The following SCLT1 variants were observed in gnomAD, a reference collection of about 807,000 sequenced individuals.
SCLT1 encodes sodium channel-associated protein 1.
SCLT1 carries 78 observed loss-of-function variants against 112.8 expected under a neutral mutation model. That is an observed-to-expected ratio of 0.69 (90% CI 0.58 to 0.83). SCLT1 has a LOEUF of 0.83. Among genes scored for constraint, SCLT1 ranks in the 40% least tolerant of loss-of-function variants. The pLI is 0.00. For synonymous variants in SCLT1, 257 were observed against 254.7 expected (o/e 1.01, Z -0.09); for missense variants, 747 against 770.4 (o/e 0.97, Z 0.36).
intron 9 of SCLT1, among the ~76,000 whole-genome samples, chr4:128,989,525 A>C (rs1201942216): frequency 6.6e-6 from 1 of 151,954 alleles, no homozygotes; most frequent in African/African-American, 2.4e-5. Context: ...AAAAAGTAGA[A>C]AAACTTCAAA....
chr4:128,982,140 G>A (rs1741711492), intron 9 of SCLT1, among the ~76,000 whole-genome samples: 2 of 152,146 alleles, frequency 1.3e-5, no homozygotes, highest in African/African-American at 4.8e-5. Context: ...CAAATATGGA[G>A]AAAAGATCTG....
At chr4:129,060,285 C>T (rs751688655) in intron 2 of SCLT1, among the ~76,000 whole-genome samples, 1 of 152,100 alleles carries the variant, frequency 6.6e-6, no homozygotes, top group Non-Finnish European at 1.5e-5. Context: ...CATTGGGTTA[C>T]CTTAGTATCA....
intron 18 of SCLT1, among the ~76,000 whole-genome samples, chr4:128,920,403 T>C (rs1222995411): frequency 6.6e-6 from 1 of 152,202 alleles, no homozygotes; most frequent in African/African-American, 2.4e-5. Context: ...ATGATTCTCA[T>C]ACATCAGCCT....
chr4:129,054,000 C>T (rs1430276948), intron 2 of SCLT1, among the ~76,000 whole-genome samples: 1 of 152,030 alleles, frequency 6.6e-6, no homozygotes, highest in Non-Finnish European at 1.5e-5. Flanking sequence ...TTTTATTTCT[C>T]CTTCGCTTAT....
chr4:129,014,365 T>C (rs964230001), intron 5 of SCLT1, among the ~76,000 whole-genome samples: 1 of 152,150 alleles, frequency 6.6e-6, no homozygotes, highest in African/African-American at 2.4e-5. Flanking sequence ...ATGGGGTAGA[T>C]TAGAGGAAAA....
intron 5 of SCLT1, among the ~76,000 whole-genome samples, chr4:129,027,231 A>T (rs374651695): frequency 6.6e-5 from 10 of 152,234 alleles, no homozygotes; most frequent in South Asian, 4.2e-4. Flanking sequence ...TACCAAAGCC[A>T]GGCAGAGACA....
At chr4:128,886,975 C>A (rs1732940064) in intron 20 of SCLT1, among the ~76,000 whole-genome samples, 1 of 152,184 alleles carries the variant, frequency 6.6e-6, no homozygotes, top group Non-Finnish European at 1.5e-5. Context: ...TAATTTCTTA[C>A]ATATCTGTCT....
chr4:128,889,776 T>G (rs547809938), intron 19 of SCLT1, among the ~76,000 whole-genome samples: 3 of 152,356 alleles, frequency 2.0e-5, no homozygotes, highest in South Asian at 4.1e-4. Context: ...CTAGAATTGT[T>G]AAACAGTTTT....
chr4:128,910,437 C>T (rs1221966971), intron 18 of SCLT1, among the ~76,000 whole-genome samples: 1 of 152,178 alleles, frequency 6.6e-6, no homozygotes, highest in Non-Finnish European at 1.5e-5. Context: ...CATACTTTGT[C>T]CATCTTTCTA....
chr4:129,054,958 TTGTTGA>T (rs937438791), intron 2 of SCLT1, among the ~76,000 whole-genome samples: 1 of 152,192 alleles, frequency 6.6e-6, no homozygotes, highest in Non-Finnish European at 1.5e-5. Context: ...GGGGTCCTTT[TTGTTGA>T]TGTTGATGTT....
intron 13 of SCLT1, among the ~76,000 whole-genome samples, chr4:128,955,276 C>A (rs1180475742): frequency 1.3e-5 from 2 of 152,140 alleles, no homozygotes; most frequent in African/African-American, 4.8e-5. Flanking sequence ...CCTAACCTCA[C>A]TTTATATAAG....
chr4:129,057,990 C>T (rs1207089263), intron 2 of SCLT1, among the ~76,000 whole-genome samples: 1 of 152,064 alleles, frequency 6.6e-6, no homozygotes, highest in Non-Finnish European at 1.5e-5. Flanking sequence ...ATCAGGTGAT[C>T]CACCCACTTT....
intron 5 of SCLT1, among the ~76,000 whole-genome samples, chr4:129,008,411 T>C (rs1744220431): frequency 6.6e-6 from 1 of 152,208 alleles, no homozygotes; most frequent in Admixed American, 6.5e-5. Flanking sequence ...GCTATTCCTT[T>C]GAGGATAATC....
intron 2 of SCLT1, among the ~76,000 whole-genome samples, chr4:129,078,628 T>C (rs911782434): frequency 6.6e-6 from 1 of 152,142 alleles, no homozygotes; most frequent in Non-Finnish European, 1.5e-5. Context: ...ATCTGGTCTT[T>C]GGAAATAAAA....
intron 5 of SCLT1, among the ~76,000 whole-genome samples, chr4:129,029,284 C>G (rs1403382973): frequency 6.6e-6 from 1 of 151,956 alleles, no homozygotes; most frequent in African/African-American, 2.4e-5. Context: ...ACCCAAATGT[C>G]CAACAATGAT....
At chr4:128,929,618 A>G (rs1736594027) in intron 18 of SCLT1, among the ~76,000 whole-genome samples, 2 of 152,240 alleles carry the variant, frequency 1.3e-5, no homozygotes, top group Non-Finnish European at 2.9e-5. Context: ...TAAATAAGAC[A>G]GTGTGGTATT....
intron 18 of SCLT1, among the ~76,000 whole-genome samples, chr4:128,892,666 A>C (rs1733418634): frequency 1.3e-5 from 2 of 152,250 alleles, no homozygotes; most frequent in African/African-American, 4.8e-5. Context: ...TCAATTATAC[A>C]AATAGTTACT....
chr4:129,003,442 A>G (rs917250494), intron 6 of SCLT1, among the ~76,000 whole-genome samples: 13 of 151,586 alleles, frequency 8.6e-5, no homozygotes, highest in African/African-American at 1.9e-4. Context: ...TTAAAAAAAA[A>G]AAAAAGAAAA....
chr4:129,005,689 T>C (rs1307981522), intron 5 of SCLT1, among the ~76,000 whole-genome samples: 8 of 151,984 alleles, frequency 5.3e-5, no homozygotes, highest in African/African-American at 9.7e-5. Flanking sequence ...GGACTATAAA[T>C]CATGCTGCTA....
Sources: gnomAD v4.1 joint callset for allele counts (sites outside exome capture counted in the v4.1 genomes callset) on GRCh38, gnomAD v4.1.1 for gene constraint, MANE v1.5 for transcripts, NCBI Gene and HGNC (gene_info 2026-07-23, HGNC 2026-07-21) for gene names.